Variants in OPHN1 observed in about 807,000 individuals in gnomAD.
OPHN1 encodes oligophrenin-1.
Under a neutral mutation model 60.7 loss-of-function variants are expected in OPHN1, and 11 were observed. The ratio of observed to expected loss-of-function variants is 0.18; its 90% CI spans 0.11 to 0.30. The LOEUF is 0.30. Ranked by LOEUF, OPHN1 falls within the 10% of genes least tolerant of loss-of-function variation. The probability of loss-of-function intolerance (pLI) is 1.00; values close to 1 mark genes in which losing one functional copy is unlikely to be tolerated. For synonymous variants in OPHN1, 226 were observed against 222.6 expected (o/e 1.02, Z -0.14); for missense variants, 449 against 611.0 (o/e 0.73, Z 2.80).
chrX:68,287,464 CAAA>C (rs1242764459), intron 3 of OPHN1, among the ~76,000 whole-genome samples: 1 of 65,059 alleles, frequency 1.5e-5, no homozygotes, highest in African/African-American at 5.6e-5. Flanking sequence ...AGTTCTGTCT[CAAA>C]AAAAAAAAAA....
chrX:68,264,036 G>A (rs751186396), intron 5 of OPHN1, among the ~76,000 whole-genome samples: 11 of 111,367 alleles, frequency 9.9e-5, no homozygotes, highest in East Asian at 5.7e-4. Flanking sequence ...TAGGTGCTGG[G>A]AAAACTGGCT....
chrX:68,288,551 T>G (rs938355386), intron 3 of OPHN1, among the ~76,000 whole-genome samples: 20 of 110,895 alleles, frequency 1.8e-4, no homozygotes, highest in Non-Finnish European at 2.8e-4. Context: ...TCACCTGAGG[T>G]CAGACGTTCA....
chrX:68,058,195 C>A (rs2147353861), intron 21 of OPHN1, among the ~76,000 whole-genome samples: 1 of 109,946 alleles, frequency 9.1e-6, no homozygotes, highest in African/African-American at 3.3e-5. Context: ...CTCTCTGAAA[C>A]CTAAATTGAA....
At chrX:68,394,793 C>T (rs1240818471) in intron 2 of OPHN1, among the ~76,000 whole-genome samples, 2 of 110,671 alleles carry the variant, frequency 1.8e-5, no homozygotes, top group African/African-American at 6.6e-5. Context: ...ACTACAGGCA[C>T]GCGCTACCAC....
chrX:68,272,667 C>T (rs569833675), intron 5 of OPHN1, among the ~76,000 whole-genome samples: 6 of 111,945 alleles, frequency 5.4e-5, no homozygotes, highest in African/African-American at 1.9e-4. Context: ...GCTAGACCAT[C>T]GAGGTTTGTG....
chrX:68,104,897 T>C (rs2077074662), intron 18 of OPHN1, among the ~76,000 whole-genome samples: 1 of 111,729 alleles, frequency 9.0e-6, no homozygotes, highest in African/African-American at 3.3e-5. Context: ...GAGAAAATTT[T>C]TGCAATCTAT....
At chrX:68,135,102 C>T (rs758133482) in intron 15 of OPHN1, among the ~76,000 whole-genome samples, 5 of 110,619 alleles carry the variant, frequency 4.5e-5, no homozygotes, top group Non-Finnish European at 7.6e-5. Context: ...ATGCCAATAC[C>T]TTACAAAGTA....
chrX:68,264,056 T>C (rs1355164108), intron 5 of OPHN1, among the ~76,000 whole-genome samples: 1 of 111,345 alleles, frequency 9.0e-6, no homozygotes, highest in African/African-American at 3.3e-5. Context: ...TACCCATATG[T>C]AGGCAGCTGA....
intron 2 of OPHN1, among the ~76,000 whole-genome samples, chrX:68,427,333 C>A (rs1360776404): frequency 9.0e-6 from 1 of 110,715 alleles, no homozygotes; most frequent in African/African-American, 3.3e-5. Context: ...TAAATACTGT[C>A]ATTTACACTA....
At chrX:68,184,517 G>A (rs369791729) in intron 15 of OPHN1, among the ~76,000 whole-genome samples, 5 of 102,932 alleles carry the variant, frequency 4.9e-5, no homozygotes, top group East Asian at 3.3e-4. Flanking sequence ...GCGAGACTCC[G>A]TCTCAAAAGA....
intron 5 of OPHN1, among the ~76,000 whole-genome samples, chrX:68,265,058 C>A (rs2147573881): frequency 8.9e-6 from 1 of 112,636 alleles, no homozygotes; most frequent in African/African-American, 3.2e-5. Flanking sequence ...GAGCCCACCG[C>A]AGCTCAAGGA....
chrX:68,428,100 G>A (rs951674574), intron 2 of OPHN1, among the ~76,000 whole-genome samples: 2 of 111,456 alleles, frequency 1.8e-5, no homozygotes, highest in South Asian at 3.8e-4. Context: ...TGTCACTCCC[G>A]CTACATGAAA....
chrX:68,146,688 A>G (rs1235435572), intron 15 of OPHN1, among the ~76,000 whole-genome samples: 1 of 112,562 alleles, frequency 8.9e-6, no homozygotes, highest in East Asian at 2.8e-4. Flanking sequence ...CTTGATATTG[A>G]GAGTTCTTGG....
intron 2 of OPHN1, among the ~76,000 whole-genome samples, chrX:68,393,977 G>A (rs1177945394): frequency 1.2e-5 from 1 of 85,738 alleles, no homozygotes; most frequent in Admixed American, 1.6e-4. Flanking sequence ...CTCACTGCAA[G>A]CTCCGCCTCC....
intron 22 of OPHN1, among the ~76,000 whole-genome samples, chrX:68,053,133 C>T (rs917341927): frequency 9.0e-6 from 1 of 111,409 alleles, no homozygotes; most frequent in African/African-American, 3.3e-5. Context: ...CCTTGGCTTG[C>T]GGCCCAGCCT....
At chrX:68,376,400 T>C (rs182212492) in intron 2 of OPHN1, among the ~76,000 whole-genome samples, 1 of 110,657 alleles carries the variant, frequency 9.0e-6, no homozygotes, top group Non-Finnish European at 1.9e-5. Context: ...GAAGTAGGTG[T>C]AAAGGAATGA....
intron 2 of OPHN1, among the ~76,000 whole-genome samples, chrX:68,411,780 C>T (rs1303129206): frequency 9.0e-6 from 1 of 111,696 alleles, no homozygotes; most frequent in Non-Finnish European, 1.9e-5. Flanking sequence ...CTAATTAGGT[C>T]CCATTTGTCA....
intron 2 of OPHN1, among the ~76,000 whole-genome samples, chrX:68,356,618 G>GC (rs2078442434): frequency 9.0e-6 from 1 of 110,532 alleles, no homozygotes; most frequent in Non-Finnish European, 1.9e-5. Flanking sequence ...TTGCCATGTT[G>GC]CCCAGGCTGG....
At chrX:68,333,423 G>T (rs2078305424) in intron 2 of OPHN1, among the ~76,000 whole-genome samples, 1 of 110,654 alleles carries the variant, frequency 9.0e-6, no homozygotes, top group Non-Finnish European at 1.9e-5. Flanking sequence ...ATCACCTGAG[G>T]CCGGGAGTTT....
Sources: allele counts gnomAD v4.1 joint callset (sites outside exome capture counted in the v4.1 genomes callset), GRCh38; gene constraint gnomAD v4.1.1; transcripts MANE v1.5; gene names NCBI Gene and HGNC (gene_info 2026-07-23, HGNC 2026-07-21).